The following GRIP1 variants were observed in gnomAD, a reference collection of about 807,000 sequenced individuals.
GRIP1 encodes glutamate receptor-interacting protein 1.
In GRIP1, 45 loss-of-function variants were observed where a neutral mutation model predicts 129.9. That is an observed-to-expected ratio of 0.35 (90% CI 0.27 to 0.44). The LOEUF is 0.44. Ranked by LOEUF, GRIP1 falls within the 20% of genes least tolerant of loss-of-function variation. The pLI, the probability that GRIP1 is intolerant of heterozygous loss-of-function variation, is 1.00. For missense variants in GRIP1, 1,196 were observed against 1,396.8 expected (o/e 0.86, Z 2.29); for synonymous variants, 530 against 520.8 (o/e 1.02, Z -0.24).
chr12:66,348,671 G>T lies in GRIP1; in HGVS notation c.*348C>A. On this transcript the variant is annotated 3_prime_UTR_variant, in exon 25 of 25. Transcript: ENST00000359742. ...AGTGAATTAAGGAAATCATCACAGAGAATATTTTCAAACAGATGTTTCTCT... is the reference window on the plus strand; with the variant it reads ...AGTGAATTAAGGAAATCATCACAGATAATATTTTCAAACAGATGTTTCTCT... 3.7e-6 allele frequency: 1 copy of T among 273,916 alleles called. No individual in the cohort carries two copies. The highest frequency in any genetic ancestry group is 7.0e-6 in the Non-Finnish European group (1 of 142,386). The allele number at this position is 273,916 out of a possible 1,614,324, so 17.0% of individuals were successfully genotyped here. A position where few individuals can be genotyped will look rare whatever the true frequency, so the allele number is the denominator to read the frequency against.
At chr12:66,809,202 A>G (rs775317263) in intron 1 of GRIP1, among the ~76,000 whole-genome samples, 59 of 152,332 alleles carry the variant, frequency 3.9e-4, no homozygotes, top group Non-Finnish European at 7.6e-4. Flanking sequence ...ACTCTTCTGA[A>G]CTGGATTCTT....
chr12:66,987,264 A>G (rs2042326369), intron 1 of GRIP1, among the ~76,000 whole-genome samples: 1 of 152,258 alleles, frequency 6.6e-6, no homozygotes, highest in Non-Finnish European at 1.5e-5. Context: ...TGATACCCCA[A>G]ACACCAAGAA....
At chr12:66,631,003 T>A (rs2030716252) in intron 1 of GRIP1, among the ~76,000 whole-genome samples, 1 of 152,098 alleles carries the variant, frequency 6.6e-6, no homozygotes, top group Non-Finnish European at 1.5e-5. Context: ...TGGCATGATC[T>A]CCACTCACTG....
At chr12:66,358,697 C>T (rs1360845277) in intron 23 of GRIP1, among the ~76,000 whole-genome samples, 1 of 152,072 alleles carries the variant, frequency 6.6e-6, no homozygotes, top group East Asian at 1.9e-4. Context: ...GAGCTCCTGA[C>T]CTCCTGCCAT....
intron 1 of GRIP1, among the ~76,000 whole-genome samples, chr12:66,976,349 T>C (rs2042151079): frequency 1.3e-5 from 2 of 152,214 alleles, no homozygotes; most frequent in Admixed American, 6.6e-5. Flanking sequence ...TCACAGACTG[T>C]CCAATCCAGT....
intron 1 of GRIP1, among the ~76,000 whole-genome samples, chr12:66,697,856 G>T: frequency 6.6e-6 from 1 of 152,092 alleles, no homozygotes; most frequent in East Asian, 1.9e-4. Flanking sequence ...TTAGACAAAT[G>T]GCTCTAATCA....
intron 1 of GRIP1, among the ~76,000 whole-genome samples, chr12:66,609,249 G>A (rs568440235): frequency 6.6e-6 from 1 of 152,138 alleles, no homozygotes; most frequent in Admixed American, 6.6e-5. Context: ...CTTCAATAGA[G>A]GGGGTTTGCA....
At chr12:66,759,457 A>G (rs971156006) in intron 1 of GRIP1, among the ~76,000 whole-genome samples, 1 of 152,150 alleles carries the variant, frequency 6.6e-6, no homozygotes, top group Non-Finnish European at 1.5e-5. Flanking sequence ...CATCTTCCCC[A>G]TGGTCTTGGG....
chr12:66,979,807 G>A (rs1454486793), intron 1 of GRIP1, among the ~76,000 whole-genome samples: 1 of 152,166 alleles, frequency 6.6e-6, no homozygotes, highest in African/African-American at 2.4e-5. Context: ...AGAAACTGCA[G>A]TGATTCAGCT....
At chr12:66,671,602 T>C (rs2136236225) in intron 1 of GRIP1, among the ~76,000 whole-genome samples, 1 of 152,278 alleles carries the variant, frequency 6.6e-6, no homozygotes, top group South Asian at 2.1e-4. Context: ...ATCCTTATAA[T>C]CTGGTTTGGA....
chr12:66,923,350 C>T (rs1486788240), intron 1 of GRIP1, among the ~76,000 whole-genome samples: 1 of 152,170 alleles, frequency 6.6e-6, no homozygotes, highest in Admixed American at 6.5e-5. Context: ...GTCTCAAAAA[C>T]AGACAAAAAA....
chr12:66,399,396 T>C (rs898728985), intron 16 of GRIP1, among the ~76,000 whole-genome samples: 1 of 151,930 alleles, frequency 6.6e-6, no homozygotes, highest in Admixed American at 6.5e-5. Flanking sequence ...GCTGCTCCAG[T>C]GTAGAAGTCT....
At chr12:66,465,202 T>C in intron 8 of GRIP1, 73 bp downstream of exon 8, 1 of 1,347,776 alleles carries the variant, frequency 7.4e-7, no homozygotes, top group East Asian at 2.4e-5. Context: ...CGCCTCGGCC[T>C]CCCAAAGTGT....
At chr12:67,022,937 T>C (rs2042889790) in intron 1 of GRIP1, among the ~76,000 whole-genome samples, 1 of 152,198 alleles carries the variant, frequency 6.6e-6, no homozygotes, top group African/African-American at 2.4e-5. Flanking sequence ...TCTTTTTATG[T>C]GTTTGTTACC....
At chr12:66,425,109 C>T (rs567215577) in intron 14 of GRIP1, among the ~76,000 whole-genome samples, 1 of 152,262 alleles carries the variant, frequency 6.6e-6, no homozygotes, top group South Asian at 2.1e-4. Flanking sequence ...CTGAAAATGT[C>T]ATTTTCTACC....
chr12:66,684,710 T>G (rs778677501), intron 1 of GRIP1, among the ~76,000 whole-genome samples: 5 of 152,076 alleles, frequency 3.3e-5, no homozygotes, highest in Non-Finnish European at 7.4e-5. Flanking sequence ...CCAGGCGTGG[T>G]GGTGCACACC....
At chr12:66,444,797 C>G in intron 12 of GRIP1, 68 bp from the exon 13 acceptor site, 2 of 1,540,766 alleles carry the variant, frequency 1.3e-6, no homozygotes, top group Non-Finnish European at 1.8e-6. Flanking sequence ...CTTGCCAAAT[C>G]TACCTTGCTT....
Position 66,353,505 on chromosome 12 carries a change from A to G in GRIP1, c.3071T>C (p.Leu1024Ser), listed in dbSNP as rs752481262. The change falls in exon 24 of 25, where the codon TTA becomes TCA. Residue 1024 changes from leucine (L) to serine (S), a missense_variant. Around this residue, in one of 5 missense-constraint regions of GRIP1, gnomAD observed 427 missense variants for 463.3 expected, o/e 0.92. Transcript: ENST00000359742. ...TTTGACATACACTCCTTTCTCCAGT[A>G]AGCCATCTGCTACACTGAACCCAAA... ...EDFGFSVADG[L>S]LEKGVYVKNI... 1.6e-5 allele frequency: 25 copies of G among 1,612,742 alleles called. No individual in the cohort carries two copies. Among genetic ancestry groups the G allele is most frequent in the Non-Finnish European group, 8.5e-7 (1 of 1,178,844 alleles).
intron 1 of GRIP1, among the ~76,000 whole-genome samples, chr12:66,719,407 G>C (rs529851068): frequency 7.9e-5 from 12 of 152,278 alleles, no homozygotes; most frequent in African/African-American, 2.6e-4. Flanking sequence ...TAACCAGTGA[G>C]TGATGGTTTA....
Sources: gnomAD v4.1 joint callset for allele counts (sites outside exome capture counted in the v4.1 genomes callset) on GRCh38, gnomAD v4.1.1 for gene constraint, gnomAD v4.1.1 regional missense constraint, MANE v1.5 for transcripts, NCBI Gene and HGNC (gene_info 2026-07-23, HGNC 2026-07-21) for gene names.